PTPRM: variants seen among roughly 807,000 people sequenced by gnomAD.
PTPRM encodes protein tyrosine phosphatase receptor type M.
In PTPRM, 47 loss-of-function variants were observed where a neutral mutation model predicts 186.7. The observed-to-expected ratio is 0.25, with a 90% confidence interval of 0.20 to 0.32. The LOEUF (loss-of-function observed/expected upper bound fraction) is 0.32, where lower values mean the gene tolerates loss of function less well. Among genes scored for constraint, PTPRM ranks in the 10% least tolerant of loss-of-function variants. PTPRM has a pLI of 1.00. For missense variants in PTPRM, 1,494 were observed against 1,865.0 expected (o/e 0.80, Z 3.66); for synonymous variants, 668 against 674.9 (o/e 0.99, Z 0.16).
intron 1 of PTPRM, among the ~76,000 whole-genome samples, chr18:7,586,012 G>A (rs1008420399): frequency 1.3e-5 from 2 of 152,104 alleles, no homozygotes; most frequent in African/African-American, 4.8e-5. Flanking sequence ...TTTTAATTAT[G>A]TATTATCTGA....
intron 1 of PTPRM, among the ~76,000 whole-genome samples, chr18:7,759,214 T>C (rs1302238057): frequency 1.3e-5 from 2 of 152,218 alleles, no homozygotes; most frequent in African/African-American, 4.8e-5. Flanking sequence ...TTATTCTCTA[T>C]TCACAACACA....
intron 7 of PTPRM, among the ~76,000 whole-genome samples, chr18:7,981,615 A>G (rs145561502): frequency 1.1e-4 from 17 of 152,228 alleles, no homozygotes; most frequent in Non-Finnish European, 2.2e-4. Context: ...GTACTGAAAT[A>G]TATATGAGTA....
intron 23 of PTPRM, among the ~76,000 whole-genome samples, chr18:8,347,393 G>T (rs1312055766): frequency 6.6e-6 from 1 of 152,156 alleles, no homozygotes; most frequent in Admixed American, 6.5e-5. Flanking sequence ...TTACTTTAAG[G>T]AAAGATGAGG....
At chr18:8,088,639 G>A (rs1243034245) in intron 10 of PTPRM, 110 bp from the exon 11 acceptor site, 3 of 853,606 alleles carry the variant, frequency 3.5e-6, no homozygotes, top group African/African-American at 3.4e-5. Context: ...TAGCTGCAAT[G>A]TAAAGTAAAT....
At chr18:7,611,785 A>G (rs758594868) in intron 1 of PTPRM, among the ~76,000 whole-genome samples, 7 of 152,186 alleles carry the variant, frequency 4.6e-5, no homozygotes, top group Non-Finnish European at 1.0e-4. Context: ...GCCTGCTGCC[A>G]TCCACGTAAG....
intron 14 of PTPRM, among the ~76,000 whole-genome samples, chr18:8,211,655 G>A (rs969742317): frequency 3.6e-4 from 55 of 151,978 alleles, no homozygotes; most frequent in African/African-American, 1.1e-3. Flanking sequence ...CGCCTGCCTC[G>A]CCCTCCCAAA....
At chr18:7,968,284 C>T (rs974367009) in intron 7 of PTPRM, among the ~76,000 whole-genome samples, 1 of 133,752 alleles carries the variant, frequency 7.5e-6, no homozygotes, top group Non-Finnish European at 1.6e-5. Context: ...CCAGGCCTGC[C>T]CTAAAAGAGC....
chr18:8,225,413 C>A (rs1247670964), intron 14 of PTPRM, among the ~76,000 whole-genome samples: 4 of 151,814 alleles, frequency 2.6e-5, no homozygotes, highest in African/African-American at 9.7e-5. Flanking sequence ...AACATAACCC[C>A]AAAACTTTGG....
chr18:8,192,029 T>C (rs988038664), intron 14 of PTPRM, among the ~76,000 whole-genome samples: 18 of 151,728 alleles, frequency 1.2e-4, no homozygotes, highest in African/African-American at 4.4e-4. Context: ...AGATTTATTT[T>C]ATTATTAATA....
intron 29 of PTPRM, among the ~76,000 whole-genome samples, chr18:8,381,761 G>C (rs2095737907): frequency 6.6e-6 from 1 of 152,158 alleles, no homozygotes; most frequent in Non-Finnish European, 1.5e-5. Context: ...ACTTACAGTG[G>C]CACGGCCGAA....
intron 1 of PTPRM, among the ~76,000 whole-genome samples, chr18:7,634,269 C>A (rs1448643449): frequency 6.6e-6 from 1 of 152,086 alleles, no homozygotes; most frequent in Admixed American, 6.6e-5. Flanking sequence ...CCATCTCCAG[C>A]CTCTCGATTC....
intron 1 of PTPRM, among the ~76,000 whole-genome samples, chr18:7,640,044 G>A (rs374140527): frequency 2.6e-5 from 4 of 152,162 alleles, no homozygotes; most frequent in African/African-American, 9.7e-5. Context: ...GGTTTTAGGG[G>A]TGGAGATGGT....
chr18:7,591,590 A>G (rs2037128025), intron 1 of PTPRM, among the ~76,000 whole-genome samples: 1 of 152,192 alleles, frequency 6.6e-6, no homozygotes, highest in South Asian at 2.1e-4. Flanking sequence ...TATTCTTTTT[A>G]CTTTTATTTG....
intron 11 of PTPRM, among the ~76,000 whole-genome samples, chr18:8,100,451 C>T (rs1223230931): frequency 2.6e-5 from 4 of 152,120 alleles, no homozygotes; most frequent in East Asian, 1.9e-4. Flanking sequence ...AGATGCCACA[C>T]GTTTTTAAGA....
intron 7 of PTPRM, among the ~76,000 whole-genome samples, chr18:8,023,863 C>CACACACACACAA (rs2085386940): frequency 7.0e-6 from 1 of 142,618 alleles, no homozygotes; most frequent in African/African-American, 2.6e-5. Context: ...CACACACACA[C>CACACACACACAA]ACACACACGC....
At chr18:7,900,460 A>G (rs901379517) in intron 3 of PTPRM, among the ~76,000 whole-genome samples, 1 of 152,224 alleles carries the variant, frequency 6.6e-6, no homozygotes, top group Non-Finnish European at 1.5e-5. Context: ...TGTCAAAACT[A>G]TGCCGTATCA....
At chr18:8,084,628 AAC>A (rs1255628766) in intron 9 of PTPRM, among the ~76,000 whole-genome samples, 1 of 152,228 alleles carries the variant, frequency 6.6e-6, no homozygotes, top group Non-Finnish European at 1.5e-5. Context: ...TTCGTATAAT[AAC>A]AGTGTTAGTG....
At chr18:8,032,335 CCT>C (rs1600169061) in intron 7 of PTPRM, among the ~76,000 whole-genome samples, 1 of 152,046 alleles carries the variant, frequency 6.6e-6, no homozygotes, top group Non-Finnish European at 1.5e-5. Context: ...CATAATACTC[CCT>C]GTTACACAGT....
At chr18:7,624,541 A>G (rs766390159) in intron 1 of PTPRM, among the ~76,000 whole-genome samples, 1 of 151,678 alleles carries the variant, frequency 6.6e-6, no homozygotes, top group Non-Finnish European at 1.5e-5. Flanking sequence ...GCTGGAGTGC[A>G]GTGGCGTCAT....
Sources: gnomAD v4.1 joint callset for allele counts (sites outside exome capture counted in the v4.1 genomes callset) on GRCh38, gnomAD v4.1.1 for gene constraint, MANE v1.5 for transcripts, NCBI Gene and HGNC (gene_info 2026-07-23, HGNC 2026-07-21) for gene names.